GMDS: variants seen among roughly 807,000 people sequenced by gnomAD.
The protein encoded by GMDS is GDP-mannose 4,6-dehydratase.
GMDS carries 20 observed loss-of-function variants against 49.9 expected under a neutral mutation model. The observed-to-expected ratio is 0.40, with a 90% CI of 0.28 to 0.58. GMDS has a LOEUF of 0.58. Among genes scored for constraint, GMDS ranks in the 20% least tolerant of loss-of-function variants. The pLI, the probability that GMDS is intolerant of heterozygous loss-of-function variation, is 0.42. For missense variants in GMDS, 362 were observed against 481.4 expected, an observed-to-expected ratio of 0.75 and a Z score of 2.32; for synonymous variants, 177 against 178.6, an observed-to-expected ratio of 0.99 and a Z score of 0.07.
rs141849558 is a variant in GMDS, at chr6:1,761,263, C to A, written c.772-18677G>T. ...AAGTCTACTTAATTCTAGATGAAAT[C>A]TGGAAAAACAAGTAGAAAAAGCCTA... On this transcript the variant is annotated intron_variant, in intron 7 of 10. Transcript: ENST00000380815. 4.5e-3 allele frequency among the ~76,000 whole-genome samples: 683 copies of A among 152,170 alleles called. 4 individuals are homozygous for A. Among genetic ancestry groups the A allele is most frequent in the African/African-American group, 0.015 (632 of 41,508 alleles).
chr6:2,167,358 A>G (rs985685749), intron 1 of GMDS, among the ~76,000 whole-genome samples: 3 of 152,060 alleles, frequency 2.0e-5, no homozygotes, highest in Non-Finnish European at 4.4e-5. Flanking sequence ...ATACTGCCTC[A>G]TCTAGCTCCT....
intron 9 of GMDS, among the ~76,000 whole-genome samples, chr6:1,644,508 C>T (rs536670596): frequency 1.2e-4 from 19 of 152,328 alleles, no homozygotes; most frequent in African/African-American, 4.6e-4. Context: ...CTTTTTCCTC[C>T]CTTCCCAAGT....
chr6:1,931,457 T>C (rs969894160), intron 6 of GMDS, among the ~76,000 whole-genome samples: 6 of 152,160 alleles, frequency 3.9e-5, no homozygotes, highest in Non-Finnish European at 8.8e-5. Context: ...ACCGTGGAAA[T>C]CCAAATTTTC....
intron 7 of GMDS, among the ~76,000 whole-genome samples, chr6:1,892,872 T>C (rs1379118901): frequency 6.6e-6 from 1 of 152,166 alleles, no homozygotes; most frequent in Non-Finnish European, 1.5e-5. Context: ...CAGTTTCCCT[T>C]CTTATGGCTG....
chr6:2,080,814 T>A (rs1253049940), intron 4 of GMDS, among the ~76,000 whole-genome samples: 4 of 152,144 alleles, frequency 2.6e-5, no homozygotes, highest in African/African-American at 9.7e-5. Context: ...GAAGATTAAT[T>A]CTGGTGTCAT....
At chr6:2,241,528 TAGG>T (rs1561684523) in intron 1 of GMDS, among the ~76,000 whole-genome samples, 2 of 152,062 alleles carry the variant, frequency 1.3e-5, no homozygotes, top group African/African-American at 4.8e-5. Flanking sequence ...TGGGAACTAA[TAGG>T]AGGTGTTTTG....
chr6:2,180,919 G>A (rs1166865182), intron 1 of GMDS, among the ~76,000 whole-genome samples: 1 of 152,114 alleles, frequency 6.6e-6, no homozygotes, highest in Non-Finnish European at 1.5e-5. Flanking sequence ...TGTAATCCCA[G>A]CACTTTGGGA....
chr6:2,079,556 A>G (rs1482389918), intron 4 of GMDS, among the ~76,000 whole-genome samples: 2 of 152,104 alleles, frequency 1.3e-5, no homozygotes, highest in African/African-American at 4.8e-5. Flanking sequence ...TTTCTCCTTC[A>G]GTTACAAAGA....
intron 4 of GMDS, among the ~76,000 whole-genome samples, chr6:2,062,018 GT>G (rs1270981822): frequency 6.6e-6 from 1 of 152,190 alleles, no homozygotes; most frequent in Non-Finnish European, 1.5e-5. Flanking sequence ...AGTGCTACAA[GT>G]TCGGCAGCTG....
At chr6:1,981,419 A>C (rs1358992683) in intron 4 of GMDS, among the ~76,000 whole-genome samples, 1 of 152,210 alleles carries the variant, frequency 6.6e-6, no homozygotes, top group Non-Finnish European at 1.5e-5. Context: ...ATAAGCACAT[A>C]AACTAGAAAA....
intron 7 of GMDS, among the ~76,000 whole-genome samples, chr6:1,838,097 G>A (rs1228249069): frequency 6.6e-6 from 1 of 152,186 alleles, no homozygotes; most frequent in African/African-American, 2.4e-5. Flanking sequence ...TTCCATCCTT[G>A]CAGGAAGTCT....
At chr6:1,987,074 T>C (rs1365472500) in intron 4 of GMDS, among the ~76,000 whole-genome samples, 2 of 152,168 alleles carry the variant, frequency 1.3e-5, no homozygotes, top group African/African-American at 4.8e-5. Flanking sequence ...TAGTGCTCTG[T>C]GAGTTTGCTT....
At chr6:1,791,280 G>A (rs1383643545) in intron 7 of GMDS, among the ~76,000 whole-genome samples, 4 of 152,146 alleles carry the variant, frequency 2.6e-5, no homozygotes. Context: ...TGTACTGGGC[G>A]CTTAAACACA....
At chr6:1,994,191 T>A (rs1326619567) in intron 4 of GMDS, among the ~76,000 whole-genome samples, 1 of 152,194 alleles carries the variant, frequency 6.6e-6, no homozygotes, top group Non-Finnish European at 1.5e-5. Flanking sequence ...TCTCCTTTAT[T>A]TTCTTGTTCT....
chr6:1,875,398 A>T (rs993514977), intron 7 of GMDS, among the ~76,000 whole-genome samples: 1 of 152,026 alleles, frequency 6.6e-6, no homozygotes, highest in African/African-American at 2.4e-5. Flanking sequence ...GTTAGAATTT[A>T]AAAAAAATTT....
At chr6:2,185,839 C>T (rs1406632082) in intron 1 of GMDS, among the ~76,000 whole-genome samples, 1 of 152,162 alleles carries the variant, frequency 6.6e-6, no homozygotes, top group Non-Finnish European at 1.5e-5. Flanking sequence ...GCTGGGGCTG[C>T]ACCCTGAGTT....
intron 4 of GMDS, among the ~76,000 whole-genome samples, chr6:2,098,160 G>T (rs1773716062): frequency 6.6e-6 from 1 of 152,070 alleles, no homozygotes; most frequent in Non-Finnish European, 1.5e-5. Context: ...CCCAGGTTCA[G>T]GTGATTCTCC....
At chr6:1,736,074 C>T (rs997251506) in intron 8 of GMDS, among the ~76,000 whole-genome samples, 4 of 152,024 alleles carry the variant, frequency 2.6e-5, no homozygotes, top group African/African-American at 4.8e-5. Flanking sequence ...AAAATGGGCC[C>T]GCGACCTGGT....
At chr6:1,840,044 A>G (rs976090634) in intron 7 of GMDS, among the ~76,000 whole-genome samples, 1 of 152,218 alleles carries the variant, frequency 6.6e-6, no homozygotes. Flanking sequence ...GATAGAAGCA[A>G]TGAGAGGCGA....
Sources: allele counts gnomAD v4.1 joint callset (sites outside exome capture counted in the v4.1 genomes callset), GRCh38; gene constraint gnomAD v4.1.1; transcripts MANE v1.5; gene names NCBI Gene and HGNC (gene_info 2026-07-23, HGNC 2026-07-21).